SUPT20H: variants seen among roughly 807,000 people sequenced by gnomAD.
SUPT20H encodes SPT20 homolog, SAGA complex component.
A neutral mutation model predicts 122.8 loss-of-function variants in SUPT20H; 82 were observed. The observed-to-expected ratio is 0.67, with a 90% CI of 0.56 to 0.80. The LOEUF (loss-of-function observed/expected upper bound fraction) is 0.80, where lower values mean the gene tolerates loss of function less well. Among genes scored for constraint, SUPT20H ranks in the 30% least tolerant of loss-of-function variants. The probability of loss-of-function intolerance (pLI) is 0.00; values close to 1 mark genes in which losing one functional copy is unlikely to be tolerated. For synonymous variants in SUPT20H, 291 were observed against 313.0 expected (o/e 0.93, Z 0.74); for missense variants, 831 against 921.6 (o/e 0.90, Z 1.27).
intron 1 of SUPT20H, among the ~76,000 whole-genome samples, chr13:37,053,306 A>T (rs1258020448): frequency 6.6e-6 from 1 of 152,224 alleles, no homozygotes; most frequent in East Asian, 1.9e-4. Context: ...GGATAAAGAA[A>T]GGGTGGCACA....
intron 8 of SUPT20H, 27 bp downstream of exon 8, chr13:37,040,549 T>C: frequency 1.9e-6 from 3 of 1,603,594 alleles, no homozygotes; most frequent in Non-Finnish European, 2.6e-6. Flanking sequence ...AAATCTAAAA[T>C]AGTATTTCTT....
At position 37,024,392 on chromosome 13, in the gene SUPT20H, T is replaced by C; in HGVS notation, c.1380A>G (p.Lys460=). Residue 460 remains lysine, a synonymous_variant, in exon 18 of 26, where the codon AAA becomes AAG. Transcript: ENST00000350612. The part of the protein sequence containing the change: ...VQSSVLGKGV[K]HRPPPIKLPS... ...GAAGTTTGATTGGTGGGGGTCGATG[T>C]TTTACACCCTTCCCCAATACCGAAG... 6.3e-7 allele frequency: 1 copy of C among 1,593,368 alleles called. No homozygotes were observed. Among genetic ancestry groups the C allele is most frequent in the Non-Finnish European group, 8.5e-7 (1 of 1,172,488 alleles).
At chr13:37,026,260 G>A (rs776347916) in intron 15 of SUPT20H, 24 bp from the exon 16 acceptor site, 1 of 1,467,810 alleles carries the variant, frequency 6.8e-7, no homozygotes, top group South Asian at 1.5e-5. Context: ...GGAAAAAAAA[G>A]GAGAGAAAAG....
intron 23 of SUPT20H, chr13:37,013,582 G>A (rs985600765): frequency 2.6e-5 from 4 of 151,954 alleles, no homozygotes; most frequent in Non-Finnish European, 5.9e-5. Flanking sequence ...TAGGTAAAGA[G>A]TTCCGAGACA....
rs1007337116 is a variant in SUPT20H at position 37,009,537 on chromosome 13, T to G, written c.*135A>C. The G allele has an allele frequency of 8.1e-6, 9 of 1,104,926 alleles. No homozygotes were observed. The highest frequency in any genetic ancestry group is 2.3e-4 in the Middle Eastern group (1 of 4,278). The allele number at this position is 1,104,926 out of a possible 1,614,324, so 68.4% of individuals were successfully genotyped here. On this transcript the variant is annotated 3_prime_UTR_variant, in exon 26 of 26. Coordinates refer to ENST00000350612, the MANE Select transcript of SUPT20H (RefSeq NM_001014286.3). ...TGTTTTTATTTAAAAATGATAAGGT[T>G]GTGCTTCTGTATAAAGTTTGTACAT...
At position 37,022,787 on chromosome 13, in the gene SUPT20H, A is replaced by T. The variant is rs887022246; in HGVS notation, c.1592-707T>A. ...AATCATATTTGGCACCTAAATATAC[A>T]TGTTTAATTCCTAACACATCAAGTT... On this transcript the variant is annotated intron_variant, in intron 19 of 25. Transcript: ENST00000350612. This position sits in a 1 kb window ranked among gnomAD's most constrained non-coding sequence, Gnocchi z 4.5. 14 of 1,023,266 alleles carry T rather than the reference A, an allele frequency of 1.4e-5. No homozygotes were observed. The African/African-American group carries it at 2.2e-4, about 16-fold the overall frequency. 63.4% of individuals were successfully genotyped at this position (1,023,266 alleles called of 1,614,324 possible). A position where few individuals can be genotyped will look rare whatever the true frequency, so the allele number is the denominator to read the frequency against.
intron 2 of SUPT20H, among the ~76,000 whole-genome samples, chr13:37,051,229 T>C (rs2067614028): frequency 6.6e-6 from 1 of 152,206 alleles, no homozygotes; most frequent in Admixed American, 6.5e-5. Flanking sequence ...TATGGCAAAG[T>C]AGATATAGGT....
intron 13 of SUPT20H, 148 bp downstream of exon 13, chr13:37,029,617 C>T (rs1458620501): frequency 3.4e-6 from 2 of 585,306 alleles, no homozygotes; most frequent in Non-Finnish European, 2.9e-6. Context: ...ATAGTTGTTT[C>T]TTCTTGTAAT....
At chr13:37,052,447 G>A (rs2067950655) in intron 1 of SUPT20H, among the ~76,000 whole-genome samples, 1 of 152,070 alleles carries the variant, frequency 6.6e-6, no homozygotes, top group African/African-American at 2.4e-5. Flanking sequence ...CTAATAAATG[G>A]CCCTGGGAAG....
chr13:37,051,516 GAA>G lies in SUPT20H; in HGVS notation c.-28_-27del. 1 of 1,611,322 alleles carries G rather than the reference GAA, an allele frequency of 6.2e-7. No homozygotes were observed. On this transcript the variant is annotated 5_prime_UTR_variant, in exon 2 of 26. Coordinates refer to ENST00000350612, the MANE Select transcript of SUPT20H (RefSeq NM_001014286.3). Reference sequence around the variant, plus strand: ...TATGGCATAAAATAAGGGTCCAAAAGAAGAGATAACTTATGTACGCTGATGAA... The same window carrying G: ...TATGGCATAAAATAAGGGTCCAAAAGGAGATAACTTATGTACGCTGATGAA...
chr13:37,055,178 A>G (rs1172178327), intron 1 of SUPT20H, among the ~76,000 whole-genome samples: 2 of 152,234 alleles, frequency 1.3e-5, no homozygotes, highest in African/African-American at 4.8e-5. Flanking sequence ...ATATCGTGAA[A>G]ATCGCCATAT....
chr13:37,053,327 G>A (rs1196656621), intron 1 of SUPT20H, among the ~76,000 whole-genome samples: 1 of 151,594 alleles, frequency 6.6e-6, no homozygotes, highest in African/African-American at 2.4e-5. Flanking sequence ...TATACACCAT[G>A]GAATACTATG....
chr13:37,058,951 T>C (rs2069922337), intron 1 of SUPT20H, among the ~76,000 whole-genome samples: 1 of 152,224 alleles, frequency 6.6e-6, no homozygotes. Flanking sequence ...TTTTGAGTCC[T>C]ACTAGAGACT....
At chr13:37,025,098 T>C (rs1594085136) in intron 17 of SUPT20H, 2 of 419,936 alleles carry the variant, frequency 4.8e-6, no homozygotes, top group Non-Finnish European at 9.0e-6. Flanking sequence ...TGTGCCACCA[T>C]GCCCAGCTAA....
In SUPT20H at chr13:37,040,594, G is replaced by C. The variant is rs1341538744; in HGVS notation, c.495C>G (p.Leu165=). ...TCCTTACCTGCATTGTTGGACGTAA[G>C]AGAATGTGCCGACTTTGGTAACCAG... is the stretch of plus-strand genomic sequence containing the variant. ...KSPGYQSRHI[L]LRPTMQTLIC... Residue 165 remains leucine, a synonymous_variant, in exon 8 of 26, where the codon CTC becomes CTG. Transcript: ENST00000350612. The C allele has an allele frequency of 6.2e-7, 1 of 1,613,956 alleles. No individual in the cohort carries two copies. Among genetic ancestry groups the C allele is most frequent in the Non-Finnish European group, 8.5e-7 (1 of 1,179,982 alleles).
At chr13:37,035,211 T>C (rs1594271156) in intron 9 of SUPT20H, among the ~76,000 whole-genome samples, 1 of 152,328 alleles carries the variant, frequency 6.6e-6, no homozygotes, top group South Asian at 2.1e-4. Context: ...GTGATTCCTC[T>C]GATGGATCTG....
chr13:37,011,427 C>T (rs960239014), intron 24 of SUPT20H, among the ~76,000 whole-genome samples: 2 of 152,076 alleles, frequency 1.3e-5, no homozygotes, highest in African/African-American at 4.8e-5. Context: ...AACTGACTTC[C>T]AAAATAAAGA....
In SUPT20H at chr13:37,024,484, C is replaced by A. The variant is rs375764854; in HGVS notation, c.1330-42G>T. 55 of 1,262,680 alleles carry A rather than the reference C, an allele frequency of 4.4e-5. No individual in the cohort carries two copies. In the African/African-American group the frequency reaches 7.2e-4, roughly 16 times the overall value. 78.2% of individuals were successfully genotyped at this position (1,262,680 alleles called of 1,614,324 possible). ...TTAAGCTTACTTGTTAAAATTAATA[C>A]TGCTATAAACCCCAGATGATATTTA... On this transcript the variant is annotated intron_variant, in intron 17 of 25. Transcript: ENST00000350612.
intron 9 of SUPT20H, chr13:37,039,496 A>G (rs1230440850): frequency 1.3e-5 from 2 of 152,198 alleles, no homozygotes; most frequent in East Asian, 3.9e-4. Context: ...AAAGAATGAT[A>G]ACGTGCTTAT....
Sources: gnomAD v4.1 joint callset for allele counts (sites outside exome capture counted in the v4.1 genomes callset) on GRCh38, gnomAD v4.1.1 for gene constraint, Gnocchi (gnomAD v3.1) non-coding constraint, MANE v1.5 for transcripts, NCBI Gene and HGNC (gene_info 2026-07-23, HGNC 2026-07-21) for gene names.